Variants in PCDH9 observed in about 807,000 individuals in gnomAD.
PCDH9 encodes protocadherin-9.
PCDH9 carries 24 observed loss-of-function variants against 70.6 expected under a neutral mutation model. The observed-to-expected ratio is 0.34, with a 90% CI of 0.25 to 0.48. The LOEUF (loss-of-function observed/expected upper bound fraction) is 0.48. Among genes scored for constraint, PCDH9 ranks in the 20% least tolerant of loss-of-function variants. The pLI is 0.99. For missense variants in PCDH9, 1,281 were observed against 1,503.6 expected (o/e 0.85, Z 2.45); for synonymous variants, 562 against 558.5 (o/e 1.01, Z -0.09).
intron 3 of PCDH9, among the ~76,000 whole-genome samples, chr13:66,764,177 T>C (rs986945031): frequency 6.6e-6 from 1 of 151,662 alleles, no homozygotes; most frequent in Non-Finnish European, 1.5e-5. Flanking sequence ...AGGTGGAATA[T>C]GGACAAGATT....
At chr13:66,986,431 A>T (rs2083893093) in intron 2 of PCDH9, among the ~76,000 whole-genome samples, 2 of 152,052 alleles carry the variant, frequency 1.3e-5, no homozygotes, top group African/African-American at 4.8e-5. Context: ...CACCCTTATG[A>T]ATTAATGATC....
intron 2 of PCDH9, among the ~76,000 whole-genome samples, chr13:67,092,415 C>T (rs1412891417): frequency 6.6e-6 from 1 of 151,978 alleles, no homozygotes; most frequent in Non-Finnish European, 1.5e-5. Context: ...CCTTGTGAAA[C>T]ATATGTTGGA....
At chr13:67,160,853 C>A (rs574799526) in intron 2 of PCDH9, among the ~76,000 whole-genome samples, 1 of 152,170 alleles carries the variant, frequency 6.6e-6, no homozygotes, top group Non-Finnish European at 1.5e-5. Flanking sequence ...CAATTGAATT[C>A]TCACACCTTT....
At chr13:66,414,809 G>GC (rs1439068092) in intron 4 of PCDH9, among the ~76,000 whole-genome samples, 1 of 151,802 alleles carries the variant, frequency 6.6e-6, no homozygotes. Context: ...TTTTTATTTT[G>GC]CCCCCCAGAA....
At chr13:67,217,501 G>T (rs1376744328) in intron 2 of PCDH9, 1 of 152,042 alleles carries the variant, frequency 6.6e-6, no homozygotes, top group Non-Finnish European at 1.5e-5. Flanking sequence ...GCTAGTCAAA[G>T]ACATTAAGTA....
At chr13:67,020,150 T>A (rs2084646732) in intron 2 of PCDH9, among the ~76,000 whole-genome samples, 1 of 152,170 alleles carries the variant, frequency 6.6e-6, no homozygotes, top group African/African-American at 2.4e-5. Context: ...TTCTTTTTTT[T>A]ACCTACAAAA....
intron 2 of PCDH9, among the ~76,000 whole-genome samples, chr13:67,022,091 G>A (rs1022391780): frequency 7.3e-6 from 1 of 137,566 alleles, no homozygotes; most frequent in African/African-American, 2.7e-5. Context: ...GTCAAAGGGT[G>A]GACAAGGTGA....
intron 4 of PCDH9, among the ~76,000 whole-genome samples, chr13:66,600,286 G>T (rs1350353968): frequency 6.6e-6 from 1 of 151,826 alleles, no homozygotes; most frequent in Non-Finnish European, 1.5e-5. Flanking sequence ...CATAGCTGCA[G>T]AATTCATTGT....
At chr13:67,212,195 C>G (rs892428764) in intron 2 of PCDH9, 6 of 151,858 alleles carry the variant, frequency 4.0e-5, no homozygotes, top group Middle Eastern at 3.2e-3. Context: ...AAATTTAAAC[C>G]TGGCATTCTT....
chr13:66,955,018 C>T (rs1317069392), intron 2 of PCDH9, among the ~76,000 whole-genome samples: 1 of 152,306 alleles, frequency 6.6e-6, no homozygotes, highest in Non-Finnish European at 1.5e-5. Flanking sequence ...CCGCCTCAGC[C>T]TCCCAAAGTG....
At chr13:66,940,799 G>GA (rs58242365) in intron 2 of PCDH9, among the ~76,000 whole-genome samples, 151,429 of 151,860 alleles carry the variant, frequency 1, 75,516 homozygotes, top group Middle Eastern at 1. Context: ...CAAAATACAG[G>GA]AAAAAATTTC....
intron 4 of PCDH9, among the ~76,000 whole-genome samples, chr13:66,443,533 A>T (rs115442237): frequency 0.018 from 2,741 of 152,268 alleles, 76 homozygotes; most frequent in East Asian, 0.082. Context: ...AATAGTGACA[A>T]CATTCTAATA....
chr13:66,525,496 A>G (rs1161842370), intron 4 of PCDH9, among the ~76,000 whole-genome samples: 3 of 152,138 alleles, frequency 2.0e-5, no homozygotes, highest in Admixed American at 2.0e-4. Context: ...CACTTCCATT[A>G]GCACTTACAC....
At chr13:66,916,833 A>G (rs536023639) in intron 2 of PCDH9, among the ~76,000 whole-genome samples, 1 of 151,624 alleles carries the variant, frequency 6.6e-6, no homozygotes, top group East Asian at 1.9e-4. Context: ...TTATCGTCTT[A>G]TTCAAATAAA....
chr13:66,544,868 C>A (rs1280201406), intron 4 of PCDH9, among the ~76,000 whole-genome samples: 2 of 152,070 alleles, frequency 1.3e-5, no homozygotes, highest in Non-Finnish European at 2.9e-5. Context: ...TGGTTTCAGC[C>A]AGTTTCTTCA....
chr13:66,768,885 G>A (rs938112268), intron 3 of PCDH9, among the ~76,000 whole-genome samples: 5 of 151,742 alleles, frequency 3.3e-5, no homozygotes, highest in African/African-American at 1.2e-4. Context: ...ATAACAAACA[G>A]GTAAATCAGA....
At chr13:66,838,181 C>T (rs1259654444) in intron 3 of PCDH9, among the ~76,000 whole-genome samples, 1 of 151,870 alleles carries the variant, frequency 6.6e-6, no homozygotes, top group Non-Finnish European at 1.5e-5. Flanking sequence ...TTCTGCAAAC[C>T]TCAACAACTC....
At position 67,228,173 on chromosome 13, in the gene PCDH9, T is replaced by C. The variant is rs570086719; in HGVS notation, c.268A>G (p.Asn90Asp). ...CAGAGTTTTTCTCTGTCTATTCTGT[T>C]GGAGGTTGTGAAAATTTCCCCAGTG... ...SSTGEIFTTS[N>D]RIDREKLCAG... Residue 90 changes from asparagine (N) to aspartate (D), a missense_variant, in exon 2 of 5, where the codon AAC becomes GAC. Coordinates refer to ENST00000377865, the MANE Select transcript of PCDH9 (RefSeq NM_203487.3). 8 of 1,613,564 alleles carry C rather than the reference T, an allele frequency of 5.0e-6. No homozygotes were observed. Among genetic ancestry groups the C allele is most frequent in the Non-Finnish European group, 6.8e-6 (8 of 1,179,882 alleles).
chr13:66,570,804 A>T (rs1234535765), intron 4 of PCDH9, among the ~76,000 whole-genome samples: 7 of 152,242 alleles, frequency 4.6e-5, no homozygotes, highest in South Asian at 2.1e-4. Context: ...AGACACATTT[A>T]AAAAAGGTAT....
Sources: gnomAD v4.1 joint callset for allele counts (sites outside exome capture counted in the v4.1 genomes callset) on GRCh38, gnomAD v4.1.1 for gene constraint, MANE v1.5 for transcripts, NCBI Gene and HGNC (gene_info 2026-07-23, HGNC 2026-07-21) for gene names.